The following LIX1L variants were observed in gnomAD, a reference collection of about 807,000 sequenced individuals.
LIX1L encodes the protein LIX1-like protein.
LIX1L carries 20 observed loss-of-function variants against 34.0 expected under a neutral mutation model. That is an observed-to-expected ratio of 0.59 (90% confidence interval 0.41 to 0.85). The LOEUF (loss-of-function observed/expected upper bound fraction) is 0.85. Among genes scored for constraint, LIX1L ranks in the 40% least tolerant of loss-of-function variants. The probability of loss-of-function intolerance (pLI) is 0.00; values close to 1 mark genes in which losing one functional copy is unlikely to be tolerated. For synonymous variants in LIX1L, 170 were observed against 187.4 expected, an observed-to-expected ratio of 0.91 and a Z score of 0.76; for missense variants, 397 against 447.0, an observed-to-expected ratio of 0.89 and a Z score of 1.01.
intron 1 of LIX1L, among the ~76,000 whole-genome samples, chr1:145,953,904 A>T (rs187554860): frequency 9.9e-5 from 15 of 152,240 alleles, no homozygotes; most frequent in East Asian, 9.7e-4. Context: ...AAAATTTTTT[A>T]AAATCAGCCA....
In LIX1L at chr1:145,936,484, C is replaced by T; in HGVS notation, c.840G>A (p.Trp280Ter). The T allele has an allele frequency of 6.2e-7, 1 of 1,614,188 alleles. No individual in the cohort carries two copies. Among genetic ancestry groups the T allele is most frequent in the Non-Finnish European group, 8.5e-7 (1 of 1,180,016 alleles). ...CCGGCACACTCTGCTCCCGGCTCACCCAGTCCAAGGCCATTTGGTGGCGAA... is the reference window on the plus strand; with the variant it reads ...CCGGCACACTCTGCTCCCGGCTCACTCAGTCCAAGGCCATTTGGTGGCGAA... ...DDIRHQMALD[W>*]VSREQSVPGA... Residue 280 changes from tryptophan (W) to a stop codon, truncating the protein, a stop_gained, in exon 6 of 6, where the codon TGG becomes TGA. Coordinates refer to ENST00000604000, the MANE Select transcript of LIX1L (RefSeq NM_153713.3). LOFTEE classifies it high-confidence loss of function.
At chr1:145,944,118 A>C (rs1458899822) in intron 2 of LIX1L, among the ~76,000 whole-genome samples, 1 of 152,190 alleles carries the variant, frequency 6.6e-6, no homozygotes, top group Non-Finnish European at 1.5e-5. Flanking sequence ...GCACTTTGGG[A>C]GGCTAAGGCA....
Position 145,942,867 on chromosome 1 carries a change from A to G in LIX1L, c.457-14T>C. On this transcript the variant is annotated splice_polypyrimidine_tract_variant and intron_variant, in intron 2 of 5. Transcript: ENST00000604000. Reference sequence around the variant, plus strand: ...TGTGGGGCAAAACTAGGCAGGGGAGAAAGAGTGAGAATATGTGTATTTGTG... The same window carrying G: ...TGTGGGGCAAAACTAGGCAGGGGAGGAAGAGTGAGAATATGTGTATTTGTG... 1 of 1,613,498 alleles carries G rather than the reference A, an allele frequency of 6.2e-7. No homozygotes were observed. Among genetic ancestry groups the G allele is most frequent in the Non-Finnish European group, 8.5e-7 (1 of 1,179,538 alleles).
intron 1 of LIX1L, 80 bp downstream of exon 1, chr1:145,957,556 G>A: frequency 7.3e-7 from 1 of 1,367,030 alleles, no homozygotes; most frequent in Non-Finnish European, 9.4e-7. Context: ...CTCCACGCCA[G>A]GAAAAGCGAT....
Position 145,936,920 on chromosome 1 carries a change from T to C in LIX1L, c.759A>G (p.Gln253=), listed in dbSNP as rs1553757899. 4 of 1,611,852 alleles carry C rather than the reference T, an allele frequency of 2.5e-6. No homozygotes were observed. Among genetic ancestry groups the C allele is most frequent in the Admixed American group, 1.7e-5 (1 of 60,008 alleles). ...NGSLKAMRER[Q]CSRQEVLAHY... is the part of the protein sequence containing the mutation. ...TAAAATCTCTTACCTGCCGAGAGCA[T>C]TGTCGTTCCCTCATGGCCTTAAGGC... The change falls in exon 5 of 6, where the codon CAA becomes CAG. Residue 253 remains glutamine (Q), a synonymous_variant. Transcript: ENST00000604000.
In LIX1L at chr1:145,933,800, T is replaced by G. The variant is rs1171487864; in HGVS notation, c.*2510A>C. The G allele has an allele frequency of 1.3e-5, 2 of 151,768 alleles. No individual in the cohort carries two copies. The highest frequency in any genetic ancestry group is 2.4e-5 in the African/African-American group (1 of 41,316). The allele number at this position is 151,768 out of a possible 1,614,324, so 9.4% of individuals were successfully genotyped here. On this transcript the variant is annotated 3_prime_UTR_variant, in exon 6 of 6. Coordinates refer to ENST00000604000, the MANE Select transcript of LIX1L (RefSeq NM_153713.3). ...GCTTCTACCCCAGCTCTCTTCTGATTAGTAAGAAAAAAAAAATGATAGGGC... is the reference window on the plus strand; with the variant it reads ...GCTTCTACCCCAGCTCTCTTCTGATGAGTAAGAAAAAAAAAATGATAGGGC...
At chr1:145,953,611 C>A (rs1338275464) in intron 1 of LIX1L, among the ~76,000 whole-genome samples, 1 of 152,176 alleles carries the variant, frequency 6.6e-6, no homozygotes, top group Non-Finnish European at 1.5e-5. Flanking sequence ...AATAATGCCA[C>A]CTGCCAAAAT....
chr1:145,942,616 CAA>C, intron 3 of LIX1L, 95 bp downstream of exon 3: 1 of 1,147,338 alleles, frequency 8.7e-7, no homozygotes, highest in South Asian at 1.4e-5. Context: ...AGAAAGAAAA[CAA>C]GAATTCATGC....
chr1:145,957,801 G>T lies in LIX1L; in HGVS notation c.127C>A (p.Pro43Thr). The T allele has an allele frequency of 1.5e-6, 2 of 1,354,176 alleles. No homozygotes were observed. Among genetic ancestry groups the T allele is most frequent in the Non-Finnish European group, 1.9e-6 (2 of 1,059,212 alleles). 83.9% of individuals were successfully genotyped at this position (1,354,176 alleles called of 1,614,324 possible). ...GGTGCGGGAGGCGGCGGGGCAGGCGGGGGGCCCGCAGGGGGTGTGGCGGTG... is the reference window on the plus strand; with the variant it reads ...GGTGCGGGAGGCGGCGGGGCAGGCGTGGGGCCCGCAGGGGGTGTGGCGGTG... ...AATATPPAGP[P>T]PAPPPPAPPP... Residue 43 changes from proline to threonine, a missense_variant, in exon 1 of 6, where the codon CCG becomes ACG. Coordinates refer to ENST00000604000, the MANE Select transcript of LIX1L (RefSeq NM_153713.3).
intron 4 of LIX1L, 160 bp downstream of exon 4, chr1:145,937,444 C>T (rs1553757982): frequency 7.4e-6 from 4 of 540,082 alleles, no homozygotes; most frequent in Non-Finnish European, 1.3e-5. Flanking sequence ...CAGGCCTGAG[C>T]CACCATGCCC....
chr1:145,947,367 C>T (rs587720272), intron 2 of LIX1L: 9 of 425,674 alleles, frequency 2.1e-5, no homozygotes, highest in South Asian at 1.8e-4. Flanking sequence ...TGCTGGTAGT[C>T]GGATATACTG....
Position 145,936,138 on chromosome 1 carries a change from T to C in LIX1L, c.*172A>G. 2 of 706,148 alleles carry C rather than the reference T, an allele frequency of 2.8e-6. No homozygotes were observed. Among genetic ancestry groups the C allele is most frequent in the South Asian group, 4.3e-5 (2 of 46,998 alleles). The allele number at this position is 706,148 out of a possible 1,614,324, so 43.7% of individuals were successfully genotyped here. On this transcript the variant is annotated 3_prime_UTR_variant, in exon 6 of 6. Transcript: ENST00000604000. Reference sequence around the variant, plus strand: ...AAATAAAACTACATCCAAAAACTGGTAGTAAGAAAAGGGATCTCTTAGCAA... The same window carrying C: ...AAATAAAACTACATCCAAAAACTGGCAGTAAGAAAAGGGATCTCTTAGCAA...
chr1:145,947,343 G>A (rs921654546), intron 2 of LIX1L: 24 of 366,824 alleles, frequency 6.5e-5, no homozygotes, highest in Non-Finnish European at 1.0e-4. Flanking sequence ...AGCCAGATTG[G>A]AACATGGGTT....
Position 145,936,529 on chromosome 1 carries a change from G to A in LIX1L, c.795C>T (p.His265=), listed in dbSNP as rs1553757850. ...GGCGAATATCATCATCCAGGGCCCG[G>A]TGCGAATAATGAGCCAACACCTCCT... ...SRQEVLAHYS[H]RALDDDIRHQ... Residue 265 remains histidine (H), a synonymous_variant, in exon 6 of 6, where the codon CAC becomes CAT. Coordinates refer to ENST00000604000, the MANE Select transcript of LIX1L (RefSeq NM_153713.3). 1.2e-6 allele frequency: 2 copies of A among 1,614,126 alleles called. No individual in the cohort carries two copies. The highest frequency in any genetic ancestry group is 1.7e-6 in the Non-Finnish European group (2 of 1,180,024).
At chr1:145,950,608 C>T (rs918840025) in intron 1 of LIX1L, among the ~76,000 whole-genome samples, 8 of 151,742 alleles carry the variant, frequency 5.3e-5, no homozygotes, top group African/African-American at 1.9e-4. Context: ...CCTCATGATC[C>T]GCCCGCCTCG....
chr1:145,942,706 A>T lies in LIX1L; in HGVS notation c.597+7T>A. ...ACTCTCCTTCCTTCCAGCTCCATAC[A>T]ACTTACATTAAAAGATGCCAGGGCC... On this transcript the variant is annotated splice_region_variant and intron_variant, in intron 3 of 5. Transcript: ENST00000604000. 1 of 1,613,848 alleles carries T rather than the reference A, an allele frequency of 6.2e-7. No individual in the cohort carries two copies. Among genetic ancestry groups the T allele is most frequent in the Non-Finnish European group, 8.5e-7 (1 of 1,179,896 alleles).
chr1:145,936,106 A>ACAAGCTGCTCTT lies in LIX1L; in HGVS notation c.*203_*204insAAGAGCAGCTTG, dbSNP rs1648629219. 3.4e-6 allele frequency: 2 copies of ACAAGCTGCTCTT among 584,372 alleles called. No individual in the cohort carries two copies. The highest frequency in any genetic ancestry group is 3.7e-5 in the African/African-American group (2 of 53,392). The allele number at this position is 584,372 out of a possible 1,614,324, so 36.2% of individuals were successfully genotyped here. A position where few individuals can be genotyped will look rare whatever the true frequency, so the allele number is the denominator to read the frequency against. On this transcript the variant is annotated 3_prime_UTR_variant, in exon 6 of 6. Coordinates refer to ENST00000604000, the MANE Select transcript of LIX1L (RefSeq NM_153713.3). Reference sequence around the variant, plus strand: ...CTCTTTGTTGTAAAGTGGACTGAAGATGTTTCAAATAAAACTACATCCAAA... The same window carrying ACAAGCTGCTCTT: ...CTCTTTGTTGTAAAGTGGACTGAAGACAAGCTGCTCTTTGTTTCAAATAAAACTACATCCAAA...
intron 1 of LIX1L, among the ~76,000 whole-genome samples, chr1:145,954,573 C>G (rs1292363636): frequency 6.6e-6 from 1 of 152,166 alleles, no homozygotes; most frequent in Non-Finnish European, 1.5e-5. Context: ...GATAGCAATA[C>G]TTCCAAAACA....
At chr1:145,938,123 GAAAAA>G (rs1221307781) in intron 3 of LIX1L, among the ~76,000 whole-genome samples, 1 of 115,268 alleles carries the variant, frequency 8.7e-6, no homozygotes, top group African/African-American at 3.1e-5. Flanking sequence ...CTCTGTCTCA[GAAAAA>G]AAAAAAAACA....
Sources: gnomAD v4.1 joint callset for allele counts (sites outside exome capture counted in the v4.1 genomes callset) on GRCh38, gnomAD v4.1.1 for gene constraint, MANE v1.5 for transcripts, NCBI Gene and HGNC (gene_info 2026-07-23, HGNC 2026-07-21) for gene names.